The following FAT4 variants were observed in gnomAD, a reference collection of about 807,000 sequenced individuals.
The protein encoded by FAT4 is FAT atypical cadherin 4.
Under a neutral mutation model 303.9 loss-of-function variants are expected in FAT4, and 84 were observed. The ratio of observed to expected loss-of-function variants is 0.28; its 90% CI spans 0.23 to 0.33. The LOEUF is 0.33. FAT4 is among the 10% of genes least tolerant of loss of function. The pLI is 1.00. For missense variants in FAT4, 6,005 were observed against 6,146.8 expected, an observed-to-expected ratio of 0.98 and a Z score of 0.77; for synonymous variants, 2,307 against 2,298.8, an observed-to-expected ratio of 1.00 and a Z score of -0.10.
intron 10 of FAT4, among the ~76,000 whole-genome samples, chr4:125,458,636 T>C (rs773069402): frequency 6.6e-6 from 1 of 151,948 alleles, no homozygotes; most frequent in Non-Finnish European, 1.5e-5. Context: ...TAATAACGTA[T>C]GTTTCTAAGA....
At position 125,379,803 on chromosome 4, in the gene FAT4, T is replaced by C. The variant is rs189777119; in HGVS notation, c.5176-18981T>C. On this transcript the variant is annotated intron_variant, in intron 2 of 17. Transcript: ENST00000394329. ...CTTTCTTAATCAAATTTTGAACTTA[T>C]TTCATACCTTGTATATTCTAAAAAA... Among the ~76,000 whole-genome samples, 71 of 145,672 alleles carry C rather than the reference T, an allele frequency of 4.9e-4. 1 individual carries two copies. Among genetic ancestry groups the C allele is most frequent in the Admixed American group, 1.0e-3 (15 of 14,364 alleles).
intron 7 of FAT4, among the ~76,000 whole-genome samples, chr4:125,425,374 A>G (rs1725051730): frequency 6.6e-6 from 1 of 152,126 alleles, no homozygotes; most frequent in Non-Finnish European, 1.5e-5. Context: ...CAATTCCCAA[A>G]TGTCAGCCTG....
At chr4:125,423,555 T>C (rs1300511660) in intron 7 of FAT4, among the ~76,000 whole-genome samples, 1 of 152,346 alleles carries the variant, frequency 6.6e-6, no homozygotes, top group Non-Finnish European at 1.5e-5. Context: ...CTTAAATTTA[T>C]ACATTGTTTA....
rs1730544058 is a variant in FAT4 at position 125,315,648 on chromosome 4, A to ACAGGGG, written c.-340_-335dup. Among the ~76,000 whole-genome samples the ACAGGGG allele has an allele frequency of 6.6e-6, 1 of 152,124 alleles. No individual in the cohort carries two copies. Among genetic ancestry groups the ACAGGGG allele is most frequent in the Non-Finnish European group, 1.5e-5 (1 of 68,020 alleles). On this transcript the variant is annotated 5_prime_UTR_variant, in exon 1 of 18. Transcript: ENST00000394329. Reference sequence around the variant, plus strand: ...GCCGGACCACGGGCTTGAAGCCGCAACAGGGGCGGCGGCGGCGGCGGCTGC... The same window carrying ACAGGGG: ...GCCGGACCACGGGCTTGAAGCCGCAACAGGGGCAGGGGCGGCGGCGGCGGCGGCTGC...
chr4:125,402,379 A>G (rs1734421050), intron 3 of FAT4, among the ~76,000 whole-genome samples: 1 of 152,034 alleles, frequency 6.6e-6, no homozygotes, highest in Admixed American at 6.6e-5. Flanking sequence ...TCCTAGTGAA[A>G]CAGAACAAAT....
At chr4:125,386,107 C>CGT (rs1733739321) in intron 2 of FAT4, among the ~76,000 whole-genome samples, 1 of 151,998 alleles carries the variant, frequency 6.6e-6, no homozygotes, top group Non-Finnish European at 1.5e-5. Flanking sequence ...TCTTAATTTG[C>CGT]GTGTGTGTGT....
At chr4:125,477,070 T>G in intron 13 of FAT4, 85 bp from the exon 14 acceptor site, 3 of 1,062,956 alleles carry the variant, frequency 2.8e-6, no homozygotes, top group Admixed American at 3.1e-5. Flanking sequence ...AAAAAAAAGC[T>G]ATATTCACTC....
Position 125,434,433 on chromosome 4 carries a change from C to T in FAT4, c.7199+8C>T, listed in dbSNP as rs1560606618. The stretch of plus-strand genomic sequence containing the variant: ...AAAGAATGCAGTTATAAGGTCAGTA[C>T]ATTTTCCTTTGTAAAGTTTGTCTGT... On this transcript the variant is annotated splice_region_variant and intron_variant, in intron 8 of 17. Coordinates refer to ENST00000394329, the MANE Select transcript of FAT4 (RefSeq NM_001291303.3). 2 of 1,612,332 alleles carry T rather than the reference C, an allele frequency of 1.2e-6. No individual in the cohort carries two copies. Among genetic ancestry groups the T allele is most frequent in the East Asian group, 4.5e-5 (2 of 44,768 alleles).
intron 2 of FAT4, among the ~76,000 whole-genome samples, chr4:125,360,901 T>TA (rs1732628619): frequency 6.8e-6 from 1 of 147,422 alleles, no homozygotes; most frequent in African/African-American, 2.4e-5. Flanking sequence ...TTATTAAATT[T>TA]TTTATTTATT....
chr4:125,439,834 G>C (rs966830958), intron 8 of FAT4, among the ~76,000 whole-genome samples: 5 of 152,070 alleles, frequency 3.3e-5, no homozygotes, highest in Middle Eastern at 3.4e-3. Flanking sequence ...GTTGAATTCT[G>C]GTTCTTTTAT....
intron 10 of FAT4, among the ~76,000 whole-genome samples, chr4:125,460,944 AT>A (rs1726462097): frequency 6.6e-6 from 1 of 152,084 alleles, no homozygotes; most frequent in African/African-American, 2.4e-5. Flanking sequence ...GCAAGGTTGA[AT>A]TTGTTTTTTC....
rs1442421407 is a variant in FAT4 at position 125,317,749 on chromosome 4, G to T, written c.1338G>T (p.Ala446=). 4.3e-6 allele frequency: 7 copies of T among 1,614,104 alleles called. No homozygotes were observed. In the East Asian group the frequency reaches 1.6e-4, roughly 36 times the overall value. The change falls in exon 2 of 18, where the codon GCG becomes GCT. Residue 446 remains alanine (A), a synonymous_variant. Coordinates refer to ENST00000394329, the MANE Select transcript of FAT4 (RefSeq NM_001291303.3). The surrounding 1 kb of genome is among the most constrained non-coding windows in gnomAD (Gnocchi z 7.0). The part of the protein sequence containing the change: ...LTVSVSDNYG[A]PPGAAVQARS... ...TTTCCGTCTCTGATAACTACGGGGC[G>T]CCCCCTGGCGCAGCAGTCCAGGCGC...
At chr4:125,467,097 C>T (rs1434007347) in intron 11 of FAT4, among the ~76,000 whole-genome samples, 1 of 151,884 alleles carries the variant, frequency 6.6e-6, no homozygotes, top group Non-Finnish European at 1.5e-5. Flanking sequence ...TTAATTTCTA[C>T]TCATTTATAA....
intron 5 of FAT4, among the ~76,000 whole-genome samples, chr4:125,411,833 A>C (rs970078904): frequency 9.7e-6 from 1 of 102,750 alleles, no homozygotes; most frequent in Non-Finnish European, 2.0e-5. Context: ...CTACATATCT[A>C]TATATAGTGT....
chr4:125,440,608 T>TGAGAGAGAGAGAGAGAGA (rs766978076), intron 8 of FAT4, among the ~76,000 whole-genome samples: 54 of 57,328 alleles, frequency 9.4e-4, no homozygotes, highest in African/African-American at 2.9e-3. Flanking sequence ...TGTGTGTGTG[T>TGAGAGAGAGAGAGAGAGA]GTGAGAGAGA....
intron 2 of FAT4, among the ~76,000 whole-genome samples, chr4:125,353,401 T>G (rs1034259103): frequency 6.6e-6 from 1 of 151,710 alleles, no homozygotes; most frequent in Admixed American, 6.6e-5. Flanking sequence ...TATAAATAAT[T>G]TTTTATTATT....
intron 2 of FAT4, among the ~76,000 whole-genome samples, chr4:125,356,070 C>T (rs1019068773): frequency 2.0e-5 from 3 of 151,940 alleles, no homozygotes; most frequent in African/African-American, 4.8e-5. Flanking sequence ...AAAGCAACCT[C>T]GTCTGCATGC....
chr4:125,346,681 G>A (rs1183295150), intron 2 of FAT4, among the ~76,000 whole-genome samples: 2 of 152,084 alleles, frequency 1.3e-5, no homozygotes, highest in East Asian at 3.9e-4. Flanking sequence ...AAAAATTATG[G>A]TTGTCTTTCG....
At chr4:125,360,945 T>TTG in intron 2 of FAT4, among the ~76,000 whole-genome samples, 1 of 147,014 alleles carries the variant, frequency 6.8e-6, no homozygotes, top group South Asian at 2.1e-4. Context: ...TTTATTATTT[T>TTG]TATTTTATTT....
Sources: allele counts gnomAD v4.1 joint callset (sites outside exome capture counted in the v4.1 genomes callset), GRCh38; gene constraint gnomAD v4.1.1; non-coding constraint Gnocchi (gnomAD v3.1); transcripts MANE v1.5; gene names NCBI Gene and HGNC (gene_info 2026-07-23, HGNC 2026-07-21).